The following KIF13A variants were observed in gnomAD, a reference collection of about 807,000 sequenced individuals.
KIF13A encodes the protein kinesin-like protein KIF13A.
A neutral mutation model predicts 212.2 loss-of-function variants in KIF13A; 79 were observed. The ratio of observed to expected loss-of-function variants is 0.37; its 90% confidence interval spans 0.31 to 0.45. The LOEUF is 0.45. Among genes scored for constraint, KIF13A ranks in the 20% least tolerant of loss-of-function variants. The probability of loss-of-function intolerance (pLI) is 1.00; values close to 1 mark genes in which losing one functional copy is unlikely to be tolerated. For synonymous variants in KIF13A, 789 were observed against 808.6 expected, an observed-to-expected ratio of 0.98 and a Z score of 0.41; for missense variants, 1,901 against 2,209.0, an observed-to-expected ratio of 0.86 and a Z score of 2.79.
At chr6:17,802,932 G>GTTTTTTTTTTTT (rs750485926) in intron 20 of KIF13A, among the ~76,000 whole-genome samples, 24 of 111,068 alleles carry the variant, frequency 2.2e-4, no homozygotes, top group Non-Finnish European at 3.4e-4. Context: ...TGTTTTTTTT[G>GTTTTTTTTTTTT]TTTTTTTTTG....
intron 9 of KIF13A, among the ~76,000 whole-genome samples, chr6:17,841,999 ACGTGTG>A (rs764128354): frequency 1.5e-4 from 16 of 108,718 alleles, no homozygotes; most frequent in South Asian, 3.1e-4. Context: ...ATATACACAT[ACGTGTG>A]TGTGTGTGTG....
intron 2 of KIF13A, among the ~76,000 whole-genome samples, chr6:17,902,831 G>A (rs1773164935): frequency 6.6e-6 from 1 of 152,116 alleles, no homozygotes; most frequent in Non-Finnish European, 1.5e-5. Flanking sequence ...TGAAAACAGA[G>A]GCCAGGTCAC....
intron 2 of KIF13A, among the ~76,000 whole-genome samples, chr6:17,986,259 CG>C (rs1781543300): frequency 6.6e-6 from 1 of 152,150 alleles, no homozygotes; most frequent in Non-Finnish European, 1.5e-5. Context: ...GAATTCCAAC[CG>C]ATTTCTTCTC....
Position 17,951,461 on chromosome 6 carries a change from A to G in KIF13A, c.146+35593T>C. 1 of 559,650 alleles carries G rather than the reference A, an allele frequency of 1.8e-6. No individual in the cohort carries two copies. The highest frequency in any genetic ancestry group is 3.2e-6 in the Non-Finnish European group (1 of 315,508). The allele number at this position is 559,650 out of a possible 1,614,324, so 34.7% of individuals were successfully genotyped here. A position where few individuals can be genotyped will look rare whatever the true frequency, so the allele number is the denominator to read the frequency against. The stretch of plus-strand genomic sequence containing the variant: ...TTAAAAAAAAAAAAAAAACAGCTTT[A>G]AGATATAATTTATATACCATACAAT... On this transcript the variant is annotated intron_variant, in intron 2 of 38. Transcript: ENST00000259711. This position sits in a 1 kb window ranked among gnomAD's most constrained non-coding sequence, Gnocchi z 4.9.
rs1581637548 is a variant in KIF13A at position 17,886,488 on chromosome 6, T to C, written c.159+11680A>G. ...CAAGAGACTCCCTGGTCCAGAAGGCTTTCACTATTCTAGACAGGGAGATGG... is the reference window on the plus strand; with the variant it reads ...CAAGAGACTCCCTGGTCCAGAAGGCCTTCACTATTCTAGACAGGGAGATGG... On this transcript the variant is annotated intron_variant, in intron 3 of 38. Transcript: ENST00000259711. This position sits in a 1 kb window ranked among gnomAD's most constrained non-coding sequence, Gnocchi z 5.6. 6.6e-6 allele frequency among the ~76,000 whole-genome samples: 1 copy of C among 152,174 alleles called. No homozygotes were observed. The highest frequency in any genetic ancestry group is 2.4e-5 in the African/African-American group (1 of 41,442).
intron 25 of KIF13A, among the ~76,000 whole-genome samples, chr6:17,792,563 G>C (rs1387709210): frequency 6.6e-6 from 1 of 152,158 alleles, no homozygotes; most frequent in Non-Finnish European, 1.5e-5. Context: ...CTAAGTGAAG[G>C]ACTGAACTGC....
chr6:17,944,833 C>T (rs1351725995), intron 2 of KIF13A, among the ~76,000 whole-genome samples: 3 of 151,934 alleles, frequency 2.0e-5, no homozygotes, highest in Non-Finnish European at 4.4e-5. Context: ...CTATCATTAG[C>T]AAACAAAATT....
Position 17,779,088 on chromosome 6 carries a change from C to A in KIF13A, c.3951G>T (p.Glu1317Asp). 6.2e-7 allele frequency: 1 copy of A among 1,613,646 alleles called. No individual in the cohort carries two copies. Among genetic ancestry groups the A allele is most frequent in the Non-Finnish European group, 8.5e-7 (1 of 1,179,794 alleles). The change falls in exon 33 of 39, where the codon GAG (glutamate) becomes GAT (aspartate). Residue 1317 changes from glutamate to aspartate, a missense_variant. This residue lies in a region of KIF13A where 687 missense variants were observed against 759.1 expected (regional missense o/e 0.90). Coordinates refer to ENST00000259711, the MANE Select transcript of KIF13A (RefSeq NM_022113.6). Reference protein sequence around the residue: ...IVSNIPKATEEIEDRETLALL... With the variant: ...IVSNIPKATEDIEDRETLALL... The stretch of plus-strand genomic sequence containing the variant: ...GAGCCAGCGTTTCCCGGTCCTCTAT[C>A]TCCTCAGTTGCCTACGAGGACAGGA...
In KIF13A at chr6:17,799,388, A is replaced by T; in HGVS notation, c.2668T>A (p.Phe890Ile). Residue 890 changes from phenylalanine (F) to isoleucine (I), a missense_variant, in exon 22 of 39, where the codon TTC (phenylalanine) becomes ATC (isoleucine). Physicochemically the swap from Phe to Ile is conservative, Grantham distance 21. Around this residue, in one of 5 missense-constraint regions of KIF13A, gnomAD observed 534 missense variants for 536.9 expected, o/e 0.99. Coordinates refer to ENST00000259711, the MANE Select transcript of KIF13A (RefSeq NM_022113.6). This position sits in a 1 kb window ranked among gnomAD's most constrained non-coding sequence, Gnocchi z 4.4. The part of the protein sequence containing the change: ...GLPLNLSNFV[F>I]CQYTFWDQCE... Reference sequence around the variant, plus strand: ...TGGTCCCAGAATGTGTATTGACAGAAGACAAAATTTGAGAGGTTTAAGGGC... The same window carrying T: ...TGGTCCCAGAATGTGTATTGACAGATGACAAAATTTGAGAGGTTTAAGGGC... The T allele has an allele frequency of 1.2e-6, 2 of 1,607,616 alleles. No individual in the cohort carries two copies. The highest frequency in any genetic ancestry group is 1.7e-6 in the Non-Finnish European group (2 of 1,176,580).
At chr6:17,979,303 T>C (rs1437274277) in intron 2 of KIF13A, among the ~76,000 whole-genome samples, 13 of 152,114 alleles carry the variant, frequency 8.5e-5, no homozygotes, top group Admixed American at 8.5e-4. Flanking sequence ...AAAAAAAAAT[T>C]TCCAGCTTTT....
intron 31 of KIF13A, 141 bp from the exon 32 acceptor site, chr6:17,779,825 CG>C (rs1481872022): frequency 2.3e-6 from 1 of 440,980 alleles, no homozygotes; most frequent in African/African-American, 2.1e-5. Context: ...CTGCAGGCTC[CG>C]CCCCCTGGGG....
downstream of KIF13A, chr6:17,759,506 C>G (rs1084): frequency 0.44 from 66,569 of 151,928 alleles, 14,858 homozygotes; most frequent in South Asian, 0.54. Context: ...CAGGCTCTAC[C>G]CATTCTCTCT....
Position 17,918,294 on chromosome 6 carries a change from A to G in KIF13A, c.147-20114T>C, listed in dbSNP as rs1232218983. ...ATAAATGTTTACTGAATAAATACAT[A>G]CATGCATAAAAAATAGTCTCAGAAC... On this transcript the variant is annotated intron_variant, in intron 2 of 38. Coordinates refer to ENST00000259711, the MANE Select transcript of KIF13A (RefSeq NM_022113.6). The surrounding 1 kb of genome is among the most constrained non-coding windows in gnomAD (Gnocchi z 4.8). 6.6e-6 allele frequency among the ~76,000 whole-genome samples: 1 copy of G among 152,174 alleles called. No individual in the cohort carries two copies. The highest frequency in any genetic ancestry group is 1.5e-5 in the Non-Finnish European group (1 of 68,040).
At chr6:17,930,958 C>G (rs145046054) in intron 2 of KIF13A, among the ~76,000 whole-genome samples, 3 of 152,186 alleles carry the variant, frequency 2.0e-5, no homozygotes, top group African/African-American at 7.2e-5. Flanking sequence ...AATCAACATC[C>G]GGCAGGTTCA....
Position 17,816,904 on chromosome 6 carries a change from G to A in KIF13A, c.2000+116C>T. Reference sequence around the variant, plus strand: ...AAAGCTAATTGGCAATATCACGTATGGGATTAAGAGTTCTCTTGTTGCTAG... The same window carrying A: ...AAAGCTAATTGGCAATATCACGTATAGGATTAAGAGTTCTCTTGTTGCTAG... On this transcript the variant is annotated intron_variant, in intron 17 of 38. Transcript: ENST00000259711. This position sits in a 1 kb window ranked among gnomAD's most constrained non-coding sequence, Gnocchi z 4.3. The A allele has an allele frequency of 1.4e-6, 1 of 719,326 alleles. No homozygotes were observed. Among genetic ancestry groups the A allele is most frequent in the Non-Finnish European group, 2.3e-6 (1 of 442,108 alleles). 44.6% of individuals were successfully genotyped at this position (719,326 alleles called of 1,614,324 possible). A position where few individuals can be genotyped will look rare whatever the true frequency, so the allele number is the denominator to read the frequency against.
chr6:17,841,527 C>T (rs1766506292), intron 9 of KIF13A, among the ~76,000 whole-genome samples: 1 of 152,032 alleles, frequency 6.6e-6, no homozygotes, highest in Non-Finnish European at 1.5e-5. Context: ...ATTTTTTCTC[C>T]CCTACATCAG....
rs187632699 is a variant in KIF13A at position 17,837,814 on chromosome 6, G to C, written c.831-231C>G. On this transcript the variant is annotated intron_variant, in intron 9 of 38. Transcript: ENST00000259711. This position sits in a 1 kb window ranked among gnomAD's most constrained non-coding sequence, Gnocchi z 5.4. ...TAAAAATACAAAAAATTAGCTGGGC[G>C]TGGTGGCAGGTGCCTGTAATCCCAG... Among the ~76,000 whole-genome samples the C allele has an allele frequency of 6.6e-6, 1 of 151,924 alleles. No individual in the cohort carries two copies. The highest frequency in any genetic ancestry group is 1.5e-5 in the Non-Finnish European group (1 of 67,994).
intron 35 of KIF13A, 71 bp downstream of exon 35, chr6:17,774,944 A>G: frequency 7.9e-7 from 1 of 1,259,328 alleles, no homozygotes; most frequent in South Asian, 1.3e-5. Flanking sequence ...GAGATTTTAA[A>G]AACACCAAGA....
At chr6:17,964,916 T>G (rs12211971) in intron 2 of KIF13A, among the ~76,000 whole-genome samples, 33,363 of 150,588 alleles carry the variant, frequency 0.22, 4,174 homozygotes, top group African/African-American at 0.35. Flanking sequence ...TCTGACTCCC[T>G]GGTTCAAGCG....
Sources: gnomAD v4.1 joint callset for allele counts (sites outside exome capture counted in the v4.1 genomes callset) on GRCh38, gnomAD v4.1.1 for gene constraint, gnomAD v4.1.1 regional missense constraint, Gnocchi (gnomAD v3.1) non-coding constraint, MANE v1.5 for transcripts, NCBI Gene and HGNC (gene_info 2026-07-23, HGNC 2026-07-21) for gene names.